The following FTO variants were observed in gnomAD, a reference collection of about 807,000 sequenced individuals.
FTO encodes the protein alpha-ketoglutarate-dependent dioxygenase FTO.
A neutral mutation model predicts 63.9 loss-of-function variants in FTO; 47 were observed. The ratio of observed to expected loss-of-function variants is 0.74; its 90% CI spans 0.58 to 0.94. The LOEUF is 0.94. FTO is among the 40% of genes least tolerant of loss of function. FTO has a pLI of 0.00. For missense variants in FTO, 562 were observed against 618.1 expected (o/e 0.91, Z 0.96); for synonymous variants, 207 against 224.4 (o/e 0.92, Z 0.69).
intron 7 of FTO, among the ~76,000 whole-genome samples, chr16:53,916,548 T>C (rs922120247): frequency 2.0e-5 from 3 of 152,214 alleles, no homozygotes; most frequent in Non-Finnish European, 2.9e-5. Context: ...ATGTGAACAT[T>C]GAACATTGGG....
chr16:53,931,466 C>A (rs968133905), intron 7 of FTO, among the ~76,000 whole-genome samples: 10 of 151,932 alleles, frequency 6.6e-5, no homozygotes, highest in Non-Finnish European at 1.0e-4. Context: ...GCCACCACAC[C>A]CAGCTAATTT....
intron 8 of FTO, among the ~76,000 whole-genome samples, chr16:54,009,304 T>G (rs553061969): frequency 2.6e-5 from 4 of 152,332 alleles, no homozygotes; most frequent in Non-Finnish European, 5.9e-5. Context: ...TATGAGTGTT[T>G]TGGAGTATTA....
chr16:53,763,912 T>C (rs990763922), intron 1 of FTO, among the ~76,000 whole-genome samples: 1 of 152,168 alleles, frequency 6.6e-6, no homozygotes, highest in Non-Finnish European at 1.5e-5. Flanking sequence ...TTATTTTTGT[T>C]ACCAAAGCGA....
chr16:53,987,113 C>T (rs1217870670), intron 8 of FTO, among the ~76,000 whole-genome samples: 6 of 151,882 alleles, frequency 4.0e-5, no homozygotes, highest in African/African-American at 1.5e-4. Context: ...CGCTGGAATA[C>T]GTCTTGCTCT....
intron 1 of FTO, among the ~76,000 whole-genome samples, chr16:53,720,390 C>T (rs2076008488): frequency 6.6e-6 from 1 of 151,734 alleles, no homozygotes; most frequent in South Asian, 2.1e-4. Flanking sequence ...AGGTTTTTAG[C>T]ATTCTTATCT....
At chr16:54,009,012 C>T (rs1599195391) in intron 8 of FTO, among the ~76,000 whole-genome samples, 1 of 151,590 alleles carries the variant, frequency 6.6e-6, no homozygotes, top group African/African-American at 2.4e-5. Context: ...ACCCTGTCCC[C>T]CCCCCAAAAA....
intron 8 of FTO, among the ~76,000 whole-genome samples, chr16:54,087,902 T>C (rs1226318650): frequency 6.6e-6 from 1 of 152,220 alleles, no homozygotes; most frequent in Non-Finnish European, 1.5e-5. Context: ...TCTTGCTAAG[T>C]TCCCAGAATT....
chr16:53,944,347 G>A (rs1476860175), intron 8 of FTO, among the ~76,000 whole-genome samples: 2 of 152,188 alleles, frequency 1.3e-5, no homozygotes, highest in Non-Finnish European at 2.9e-5. Context: ...TGTGCCCAGC[G>A]ACAGTGAGAA....
At chr16:53,733,220 C>G (rs928806180) in intron 1 of FTO, among the ~76,000 whole-genome samples, 9 of 151,966 alleles carry the variant, frequency 5.9e-5, no homozygotes, top group Non-Finnish European at 1.3e-4. Flanking sequence ...CCAAACATGG[C>G]GAAACCCCTG....
intron 5 of FTO, among the ~76,000 whole-genome samples, chr16:53,877,918 A>G (rs915963937): frequency 5.9e-5 from 9 of 152,204 alleles, no homozygotes; most frequent in African/African-American, 1.9e-4. Context: ...TTGCATGAAA[A>G]TGCAATTAAT....
intron 8 of FTO, among the ~76,000 whole-genome samples, chr16:54,057,881 G>A (rs1358099580): frequency 6.6e-6 from 1 of 152,088 alleles, no homozygotes; most frequent in African/African-American, 2.4e-5. Flanking sequence ...AAAGACATCA[G>A]CCCAAAACGC....
intron 8 of FTO, among the ~76,000 whole-genome samples, chr16:53,940,983 G>A (rs2082515423): frequency 6.6e-6 from 1 of 152,164 alleles, no homozygotes; most frequent in Non-Finnish European, 1.5e-5. Flanking sequence ...AATGTGTAAT[G>A]AATAGGATTT....
chr16:53,738,933 G>A (rs1029963748), intron 1 of FTO, among the ~76,000 whole-genome samples: 14 of 150,594 alleles, frequency 9.3e-5, no homozygotes, highest in East Asian at 8.0e-4. Flanking sequence ...CTCAACCTCC[G>A]GGGCTCAAGC....
chr16:53,874,139 G>A (rs2080581006), intron 5 of FTO, among the ~76,000 whole-genome samples: 1 of 152,182 alleles, frequency 6.6e-6, no homozygotes, highest in Non-Finnish European at 1.5e-5. Flanking sequence ...TATAGTTAGA[G>A]GTTTATTTAG....
intron 8 of FTO, among the ~76,000 whole-genome samples, chr16:54,108,415 C>T (rs373548716): frequency 6.6e-6 from 1 of 152,142 alleles, no homozygotes; most frequent in African/African-American, 2.4e-5. Context: ...AATACATAAG[C>T]CTCAGGGTCT....
At chr16:53,979,729 A>G (rs536126597) in intron 8 of FTO, among the ~76,000 whole-genome samples, 1 of 152,306 alleles carries the variant, frequency 6.6e-6, no homozygotes, top group East Asian at 1.9e-4. Context: ...TTTGGAGGTC[A>G]AAAAGAGACC....
intron 8 of FTO, among the ~76,000 whole-genome samples, chr16:54,067,129 G>T (rs1188759858): frequency 3.4e-5 from 3 of 88,050 alleles, no homozygotes; most frequent in Non-Finnish European, 7.0e-5. Context: ...GGGTGTTTTT[G>T]GTTGTTGTTG....
At chr16:53,745,283 A>G (rs1370369714) in intron 1 of FTO, among the ~76,000 whole-genome samples, 1 of 152,144 alleles carries the variant, frequency 6.6e-6, no homozygotes, top group Non-Finnish European at 1.5e-5. Flanking sequence ...TGAGACTCAG[A>G]TGAGTTATTA....
At chr16:53,763,036 G>A (rs2077107206) in intron 1 of FTO, among the ~76,000 whole-genome samples, 1 of 152,086 alleles carries the variant, frequency 6.6e-6, no homozygotes, top group Non-Finnish European at 1.5e-5. Context: ...TTCATGGGAT[G>A]CTATTTTAAA....
Sources: gnomAD v4.1 joint callset for allele counts (sites outside exome capture counted in the v4.1 genomes callset) on GRCh38, gnomAD v4.1.1 for gene constraint, MANE v1.5 for transcripts, NCBI Gene and HGNC (gene_info 2026-07-23, HGNC 2026-07-21) for gene names.